The following GABBR2 variants were observed in gnomAD, a reference collection of about 807,000 sequenced individuals.
The protein encoded by GABBR2 is G-protein coupled receptor 51.
GABBR2 carries 23 observed loss-of-function variants against 105.6 expected under a neutral mutation model. That is an observed-to-expected ratio of 0.22 (90% CI 0.16 to 0.31). The LOEUF is 0.31. Among genes scored for constraint, GABBR2 ranks in the 10% least tolerant of loss-of-function variants. The pLI, the probability that GABBR2 is intolerant of heterozygous loss-of-function variation, is 1.00. For synonymous variants in GABBR2, 478 were observed against 499.7 expected (o/e 0.96, Z 0.58); for missense variants, 734 against 1,245.5 (o/e 0.59, Z 6.18).
intron 12 of GABBR2, among the ~76,000 whole-genome samples, chr9:98,363,710 T>C (rs1172184543): frequency 6.6e-6 from 1 of 152,156 alleles, no homozygotes; most frequent in East Asian, 1.9e-4. Context: ...ATGAATTGAA[T>C]TGACATGAAA....
At chr9:98,321,487 C>T (rs867495049) in intron 13 of GABBR2, among the ~76,000 whole-genome samples, 3 of 152,172 alleles carry the variant, frequency 2.0e-5, no homozygotes, top group Non-Finnish European at 4.4e-5. Flanking sequence ...CGGGAGTGCA[C>T]GTGGGTGCAA....
At chr9:98,517,751 C>T (rs1351663719) in intron 3 of GABBR2, among the ~76,000 whole-genome samples, 2 of 152,192 alleles carry the variant, frequency 1.3e-5, no homozygotes, top group African/African-American at 2.4e-5. Context: ...TAGGGCAGCA[C>T]GTGAGTGGCC....
chr9:98,373,560 T>A (rs150920131), intron 11 of GABBR2, among the ~76,000 whole-genome samples: 3,252 of 152,290 alleles, frequency 0.021, 128 homozygotes, highest in Admixed American at 0.098. Flanking sequence ...AGGAGCCGGA[T>A]GTCAAAGGAC....
intron 2 of GABBR2, among the ~76,000 whole-genome samples, chr9:98,564,262 C>T (rs1042429680): frequency 6.6e-6 from 1 of 152,194 alleles, no homozygotes; most frequent in East Asian, 1.9e-4. Context: ...CCCAGAGAGG[C>T]CACTCTTAGA....
intron 1 of GABBR2, among the ~76,000 whole-genome samples, chr9:98,578,806 T>C (rs947507655): frequency 6.6e-6 from 1 of 152,198 alleles, no homozygotes; most frequent in Non-Finnish European, 1.5e-5. Flanking sequence ...GGACACACGC[T>C]ACAACGTGGA....
At chr9:98,604,850 C>A (rs574979367) in intron 1 of GABBR2, among the ~76,000 whole-genome samples, 1 of 152,226 alleles carries the variant, frequency 6.6e-6, no homozygotes, top group African/African-American at 2.4e-5. Context: ...TGAGGACTCA[C>A]AACTAGTTGT....
At chr9:98,642,801 C>T (rs537436187) in intron 1 of GABBR2, among the ~76,000 whole-genome samples, 3 of 152,308 alleles carry the variant, frequency 2.0e-5, no homozygotes, top group Admixed American at 2.0e-4. Flanking sequence ...GCACATCTTA[C>T]TGTGGATCTG....
chr9:98,602,481 A>C (rs866244772), intron 1 of GABBR2, among the ~76,000 whole-genome samples: 1 of 150,670 alleles, frequency 6.6e-6, no homozygotes, highest in Non-Finnish European at 1.5e-5. Flanking sequence ...AAAATGGTAA[A>C]TGTCTCATTA....
chr9:98,573,023 A>G (rs1828854599), intron 2 of GABBR2, among the ~76,000 whole-genome samples: 2 of 152,196 alleles, frequency 1.3e-5, no homozygotes. Context: ...GAGATTCTGC[A>G]TGGTCCACCG....
rs550807318 is a variant in GABBR2 at position 98,673,585 on chromosome 9, GA to G, written c.321+34831del. ...TGTACGAGAAAACGTTTTCTAAGTT[GA>G]AAAAAAAAAACAGGGAATAAAAAGA... On this transcript the variant is annotated intron_variant, in intron 1 of 18. Transcript: ENST00000259455. 0.012 allele frequency among the ~76,000 whole-genome samples: 501 copies of G among 41,826 alleles called. 10 individuals carry two copies. In the East Asian group the frequency reaches 0.12, roughly 10 times the overall value. The allele number at this position is 41,826 out of a possible 152,430, so 27.4% of individuals were successfully genotyped here.
chr9:98,370,313 AT>A (rs981166028), intron 12 of GABBR2, among the ~76,000 whole-genome samples: 4 of 152,166 alleles, frequency 2.6e-5, no homozygotes, highest in African/African-American at 9.7e-5. Context: ...TTTCACCTGC[AT>A]CAAGAGGACG....
chr9:98,444,879 G>GCGCACACACACACACACA (rs939018102), intron 7 of GABBR2, among the ~76,000 whole-genome samples: 38 of 151,044 alleles, frequency 2.5e-4, no homozygotes, highest in Admixed American at 2.2e-3. Context: ...GCGCGCGCGC[G>GCGCACACACACACACACA]CACACACACA....
intron 1 of GABBR2, among the ~76,000 whole-genome samples, chr9:98,669,338 A>G (rs1356278432): frequency 6.6e-6 from 1 of 152,162 alleles, no homozygotes; most frequent in African/African-American, 2.4e-5. Context: ...CATGGGCTTA[A>G]TGGCCATTCG....
chr9:98,344,295 C>T (rs1057048986), intron 13 of GABBR2, among the ~76,000 whole-genome samples: 1 of 152,224 alleles, frequency 6.6e-6, no homozygotes, highest in African/African-American at 2.4e-5. Flanking sequence ...ACCGTCACCA[C>T]AAGTAGAGTA....
chr9:98,339,243 T>C (rs942973038), intron 13 of GABBR2, among the ~76,000 whole-genome samples: 1 of 144,392 alleles, frequency 6.9e-6, no homozygotes, highest in East Asian at 2.1e-4. Context: ...CACTAGGGTA[T>C]ACATTTAAAG....
At chr9:98,357,878 T>C (rs1831515787) in intron 13 of GABBR2, among the ~76,000 whole-genome samples, 1 of 152,184 alleles carries the variant, frequency 6.6e-6, no homozygotes, top group African/African-American at 2.4e-5. Flanking sequence ...AAAAAATGGT[T>C]TTGCTACCTA....
chr9:98,389,923 C>T (rs1832148880), intron 9 of GABBR2, among the ~76,000 whole-genome samples: 1 of 152,056 alleles, frequency 6.6e-6, no homozygotes, highest in Non-Finnish European at 1.5e-5. Context: ...TACAAAGTAG[C>T]CAAGCCTGGG....
At chr9:98,475,795 G>A (rs1346159102) in intron 5 of GABBR2, among the ~76,000 whole-genome samples, 6 of 152,196 alleles carry the variant, frequency 3.9e-5, no homozygotes, top group African/African-American at 1.4e-4. Context: ...GTGGCTGGGC[G>A]CGTTGGCTCA....
chr9:98,440,855 G>A (rs1221044168), intron 7 of GABBR2, among the ~76,000 whole-genome samples: 1 of 152,186 alleles, frequency 6.6e-6, no homozygotes, highest in Non-Finnish European at 1.5e-5. Context: ...TATGTCAGCT[G>A]TCTTCTCCTG....
Sources: gnomAD v4.1 joint callset for allele counts (sites outside exome capture counted in the v4.1 genomes callset) on GRCh38, gnomAD v4.1.1 for gene constraint, MANE v1.5 for transcripts, NCBI Gene and HGNC (gene_info 2026-07-23, HGNC 2026-07-21) for gene names.